Variants in EPB41 observed in about 807,000 individuals in gnomAD.
EPB41 encodes the protein erythrocyte membrane protein band 4.1.
A neutral mutation model predicts 108.0 loss-of-function variants in EPB41; 65 were observed. The ratio of observed to expected loss-of-function variants is 0.60; its 90% CI spans 0.49 to 0.74. EPB41 has a LOEUF of 0.74. Among genes scored for constraint, EPB41 ranks in the 30% least tolerant of loss-of-function variants. The probability of loss-of-function intolerance (pLI) is 0.00; values close to 1 mark genes in which losing one functional copy is unlikely to be tolerated. For synonymous variants in EPB41, 336 were observed against 358.9 expected, an observed-to-expected ratio of 0.94 and a Z score of 0.72; for missense variants, 875 against 1,037.0, an observed-to-expected ratio of 0.84 and a Z score of 2.15.
At position 28,887,747 on chromosome 1, in the gene EPB41, G is replaced by A. The variant is rs1334201589; in HGVS notation, c.-8+537G>A. The A allele has an allele frequency of 1.0e-6, 1 of 955,894 alleles. No individual in the cohort carries two copies. Among genetic ancestry groups the A allele is most frequent in the Non-Finnish European group, 1.2e-6 (1 of 803,058 alleles). 59.2% of individuals were successfully genotyped at this position (955,894 alleles called of 1,614,324 possible). A position where few individuals can be genotyped will look rare whatever the true frequency, so the allele number is the denominator to read the frequency against. On this transcript the variant is annotated intron_variant, in intron 1 of 16. Transcript: ENST00000347529. The surrounding 1 kb of genome is among the most constrained non-coding windows in gnomAD (Gnocchi z 4.9). Reference sequence around the variant, plus strand: ...CCCAGGAACCGACCCGCCAGCTGGGGCGCCGGCTGTGCCCGCCAGGGTGGC... The same window carrying A: ...CCCAGGAACCGACCCGCCAGCTGGGACGCCGGCTGTGCCCGCCAGGGTGGC...
chr1:29,072,656 C>T (rs982208870), intron 16 of EPB41: 1 of 152,056 alleles, frequency 6.6e-6, no homozygotes, highest in Admixed American at 6.6e-5. Context: ...TTTCTTCTAT[C>T]AATAGGGTAA....
chr1:28,938,994 C>T (rs157205), intron 1 of EPB41, among the ~76,000 whole-genome samples: 47,636 of 152,016 alleles, frequency 0.31, 9,006 homozygotes, highest in East Asian at 0.85. Flanking sequence ...GGCCTAATTG[C>T]CCTGGCTAGA....
chr1:28,942,265 A>G (rs968986616), intron 1 of EPB41, among the ~76,000 whole-genome samples: 2 of 152,110 alleles, frequency 1.3e-5, no homozygotes, highest in Admixed American at 1.3e-4. Flanking sequence ...CTACCTGGAG[A>G]TAGCATCAGA....
intron 1 of EPB41, among the ~76,000 whole-genome samples, chr1:28,915,230 A>G (rs1020740455): frequency 6.6e-6 from 1 of 152,180 alleles, no homozygotes; most frequent in African/African-American, 2.4e-5. Context: ...TGAGGACTGC[A>G]GGGAGCCCTG....
At chr1:29,071,226 G>C (rs1220468042) in intron 16 of EPB41, 2 of 152,084 alleles carry the variant, frequency 1.3e-5, no homozygotes, top group Non-Finnish European at 2.9e-5. Context: ...AGCTGTACAG[G>C]GACAGACAAC....
chr1:29,072,607 G>A (rs928474774), intron 16 of EPB41: 1 of 152,130 alleles, frequency 6.6e-6, no homozygotes, highest in African/African-American at 2.4e-5. Flanking sequence ...TGCAGCAAGA[G>A]TCCTCGGAGA....
chr1:29,045,057 C>T (rs1396698420), intron 11 of EPB41, among the ~76,000 whole-genome samples: 1 of 152,174 alleles, frequency 6.6e-6, no homozygotes, highest in Non-Finnish European at 1.5e-5. Flanking sequence ...TAACAATATT[C>T]TCTAAGATTA....
At chr1:28,993,719 T>TGATCTTGGCTCACTGTAGCCCC (rs2096083517) in intron 3 of EPB41, among the ~76,000 whole-genome samples, 177 bp downstream of exon 3, 1 of 148,068 alleles carries the variant, frequency 6.8e-6, no homozygotes, top group Non-Finnish European at 1.5e-5. Flanking sequence ...TGCAGTGGCA[T>TGATCTTGGCTCACTGTAGCCCC]GATCTTGGCT....
intron 10 of EPB41, 117 bp downstream of exon 10, chr1:29,036,040 G>A (rs1197130826): frequency 1.3e-6 from 1 of 765,022 alleles, no homozygotes; most frequent in Non-Finnish European, 2.2e-6. Context: ...TAGCTCAGGT[G>A]AGATCATCTT....
At chr1:29,058,779 T>G (rs1421316771) in intron 13 of EPB41, 32 bp from the exon 14 acceptor site, 4 of 1,537,312 alleles carry the variant, frequency 2.6e-6, no homozygotes, top group Admixed American at 4.1e-5. Flanking sequence ...ATTTTATCAT[T>G]TTTCTTTCTT....
intron 19 of EPB41, 65 bp downstream of exon 19, chr1:29,112,513 G>A: frequency 7.6e-7 from 1 of 1,323,534 alleles, no homozygotes; most frequent in South Asian, 1.2e-5. Flanking sequence ...ATGAATACAG[G>A]AGTTTGTTTG....
chr1:29,097,542 A>T, intron 16 of EPB41: 5 of 495,366 alleles, frequency 1.0e-5, no homozygotes, highest in South Asian at 8.4e-5. Context: ...TATATCACCA[A>T]TCATAACTGT....
intron 1 of EPB41, among the ~76,000 whole-genome samples, chr1:28,961,122 A>G (rs1571444707): frequency 1.3e-5 from 2 of 150,864 alleles, no homozygotes; most frequent in East Asian, 3.9e-4. Flanking sequence ...TACTCATTGT[A>G]TGTATCTAGA....
intron 2 of EPB41, among the ~76,000 whole-genome samples, chr1:28,988,642 G>T (rs2095930070): frequency 6.6e-6 from 1 of 152,062 alleles, no homozygotes; most frequent in Admixed American, 6.5e-5. Flanking sequence ...CTACAGACGT[G>T]AGCCACCATG....
chr1:29,094,279 C>G (rs1334038959), intron 16 of EPB41, among the ~76,000 whole-genome samples: 1 of 151,104 alleles, frequency 6.6e-6, no homozygotes, highest in African/African-American at 2.4e-5. Context: ...TATTTTTTTT[C>G]TTTTTTTTCT....
intron 1 of EPB41, among the ~76,000 whole-genome samples, chr1:28,942,055 C>G (rs1279035622): frequency 6.6e-6 from 1 of 152,022 alleles, no homozygotes; most frequent in Non-Finnish European, 1.5e-5. Flanking sequence ...TTTTGATGTT[C>G]CTTCTTTCTT....
At chr1:28,895,122 G>T (rs554421614) in intron 1 of EPB41, among the ~76,000 whole-genome samples, 40 of 152,236 alleles carry the variant, frequency 2.6e-4, no homozygotes, top group African/African-American at 9.6e-4. Context: ...TTGAAGAATT[G>T]TTTAATTAGA....
intron 1 of EPB41, among the ~76,000 whole-genome samples, chr1:28,974,537 A>G (rs897227874): frequency 1.3e-5 from 2 of 152,206 alleles, no homozygotes; most frequent in African/African-American, 4.8e-5. Flanking sequence ...GCAGTAGAGA[A>G]GCTGAAAAAT....
intron 5 of EPB41, among the ~76,000 whole-genome samples, chr1:29,013,068 TA>T (rs1013406635): frequency 6.6e-6 from 1 of 151,460 alleles, no homozygotes; most frequent in African/African-American, 2.4e-5. Context: ...CCTGGGTATT[TA>T]AAAAAAAATC....
Sources: allele counts gnomAD v4.1 joint callset (sites outside exome capture counted in the v4.1 genomes callset), GRCh38; gene constraint gnomAD v4.1.1; non-coding constraint Gnocchi (gnomAD v3.1); transcripts MANE v1.5; gene names NCBI Gene and HGNC (gene_info 2026-07-23, HGNC 2026-07-21).